GABBR2: variants seen among roughly 807,000 people sequenced by gnomAD.
GABBR2 encodes G-protein coupled receptor 51.
GABBR2 carries 23 observed loss-of-function variants against 105.6 expected under a neutral mutation model. The observed-to-expected ratio is 0.22, with a 90% CI of 0.16 to 0.31. The LOEUF (loss-of-function observed/expected upper bound fraction) is 0.31. GABBR2 is among the 10% of genes least tolerant of loss of function. The probability of loss-of-function intolerance (pLI) is 1.00; values close to 1 mark genes in which losing one functional copy is unlikely to be tolerated. For missense variants in GABBR2, 734 were observed against 1,245.5 expected (o/e 0.59, Z 6.18); for synonymous variants, 478 against 499.7 (o/e 0.96, Z 0.58).
intron 11 of GABBR2, among the ~76,000 whole-genome samples, chr9:98,374,618 C>T (rs921679848): frequency 6.6e-6 from 1 of 152,164 alleles, no homozygotes; most frequent in African/African-American, 2.4e-5. Flanking sequence ...ACATATCCAT[C>T]CTCCGACTAA....
At chr9:98,633,786 G>T (rs1214237595) in intron 1 of GABBR2, among the ~76,000 whole-genome samples, 4 of 152,158 alleles carry the variant, frequency 2.6e-5, no homozygotes, top group Non-Finnish European at 5.9e-5. Flanking sequence ...CTTTTTAGGG[G>T]TGCTCAGCAA....
At chr9:98,521,270 A>G (rs1356438738) in intron 3 of GABBR2, among the ~76,000 whole-genome samples, 3 of 152,194 alleles carry the variant, frequency 2.0e-5, no homozygotes, top group African/African-American at 7.2e-5. Context: ...ACAGAACCAG[A>G]TTGAAGACTG....
At chr9:98,536,953 A>G (rs1828193046) in intron 3 of GABBR2, among the ~76,000 whole-genome samples, 1 of 152,206 alleles carries the variant, frequency 6.6e-6, no homozygotes, top group East Asian at 1.9e-4. Flanking sequence ...GACCGAGGCC[A>G]CCAGGTAGAA....
At chr9:98,342,538 G>A (rs941178905) in intron 13 of GABBR2, among the ~76,000 whole-genome samples, 1 of 152,186 alleles carries the variant, frequency 6.6e-6, no homozygotes, top group African/African-American at 2.4e-5. Flanking sequence ...AGTTGGCCAG[G>A]CTAATGGAGG....
At chr9:98,633,364 C>T (rs552970130) in intron 1 of GABBR2, among the ~76,000 whole-genome samples, 1 of 152,182 alleles carries the variant, frequency 6.6e-6, no homozygotes, top group East Asian at 1.9e-4. Flanking sequence ...GGCTTACGCC[C>T]GTAATCCCAG....
intron 2 of GABBR2, among the ~76,000 whole-genome samples, chr9:98,565,374 G>T (rs1828737792): frequency 6.6e-6 from 1 of 152,208 alleles, no homozygotes; most frequent in African/African-American, 2.4e-5. Flanking sequence ...ATGAGCCCAG[G>T]GAAATCACAT....
At chr9:98,424,281 A>ACG (rs745681966) in intron 7 of GABBR2, among the ~76,000 whole-genome samples, 104 of 152,230 alleles carry the variant, frequency 6.8e-4, no homozygotes, top group Non-Finnish European at 1.4e-3. Flanking sequence ...AAATTCAACA[A>ACG]CGCTTCATGC....
At chr9:98,405,270 A>G (rs1832469972) in intron 8 of GABBR2, among the ~76,000 whole-genome samples, 1 of 152,114 alleles carries the variant, frequency 6.6e-6, no homozygotes, top group Non-Finnish European at 1.5e-5. Flanking sequence ...AAAACCAAAA[A>G]CAGGTGGGTG....
Position 98,385,691 on chromosome 9 carries a change from A to G in GABBR2, c.1611T>C (p.Phe537=), listed in dbSNP as rs1215127392. ...CAGAGACAAAGGATCCATCAAGGCC[A>G]AAGAGAAATATGGAAGCATAGGAGA... The part of the protein sequence containing the change: ...GMLSYASIFL[F]GLDGSFVSEK... The change falls in exon 11 of 19, where the codon TTT becomes TTC. Residue 537 remains phenylalanine, a synonymous_variant. Transcript: ENST00000259455. The G allele has an allele frequency of 9.3e-6, 15 of 1,612,250 alleles. No homozygotes were observed. Among genetic ancestry groups the G allele is most frequent in the Middle Eastern group, 1.6e-4 (1 of 6,070 alleles).
At chr9:98,683,616 A>T (rs1212784288) in intron 1 of GABBR2, among the ~76,000 whole-genome samples, 1 of 152,078 alleles carries the variant, frequency 6.6e-6, no homozygotes, top group Non-Finnish European at 1.5e-5. Flanking sequence ...CTAATCATGG[A>T]GATGCGCATC....
At chr9:98,445,598 A>C (rs1309492874) in intron 7 of GABBR2, among the ~76,000 whole-genome samples, 8 of 152,240 alleles carry the variant, frequency 5.3e-5, no homozygotes, top group Non-Finnish European at 1.5e-5. Flanking sequence ...GATGTGGTTT[A>C]AGATGAAGGT....
At chr9:98,503,859 A>G (rs1368593067) in intron 3 of GABBR2, among the ~76,000 whole-genome samples, 1 of 152,112 alleles carries the variant, frequency 6.6e-6, no homozygotes, top group African/African-American at 2.4e-5. Flanking sequence ...GAAACTGCTG[A>G]TGCCCTAACT....
rs373255468 is a variant in GABBR2, at chr9:98,594,592, A to T, written c.322-16520T>A. Among the ~76,000 whole-genome samples, 108 of 152,336 alleles carry T rather than the reference A, an allele frequency of 7.1e-4. 1 individual carries two copies. The highest frequency in any genetic ancestry group is 2.4e-3 in the African/African-American group (100 of 41,584). On this transcript the variant is annotated intron_variant, in intron 1 of 18. Transcript: ENST00000259455. ...GCAGCAGTTTGGGACCAGTGCATTTAGGAGCATAACCGCCTCTGGGGAAGC... is the reference window on the plus strand; with the variant it reads ...GCAGCAGTTTGGGACCAGTGCATTTTGGAGCATAACCGCCTCTGGGGAAGC...
intron 6 of GABBR2, among the ~76,000 whole-genome samples, chr9:98,472,736 C>T (rs770337566): frequency 2.8e-4 from 42 of 152,142 alleles, no homozygotes; most frequent in Admixed American, 1.1e-3. Context: ...AGCTCTACAG[C>T]ATGTGTTTCC....
chr9:98,436,348 CATATATATATATATAT>C (rs1158239322), intron 7 of GABBR2, among the ~76,000 whole-genome samples: 19 of 7,600 alleles, frequency 2.5e-3, no homozygotes, highest in Middle Eastern at 0.05. Flanking sequence ...ACACACACAC[CATATATATATATATAT>C]ATATATATAT....
intron 13 of GABBR2, among the ~76,000 whole-genome samples, chr9:98,317,210 C>A (rs1172990508): frequency 6.6e-6 from 1 of 152,200 alleles, no homozygotes; most frequent in Non-Finnish European, 1.5e-5. Flanking sequence ...AGCAGTGAGG[C>A]CACACCGGTT....
chr9:98,428,090 G>C (rs533726155), intron 7 of GABBR2, among the ~76,000 whole-genome samples: 2 of 152,136 alleles, frequency 1.3e-5, no homozygotes, highest in Non-Finnish European at 2.9e-5. Context: ...CATTTGTTAC[G>C]ACTTAACAGA....
chr9:98,617,975 C>T (rs1253738797), intron 1 of GABBR2, among the ~76,000 whole-genome samples: 1 of 152,142 alleles, frequency 6.6e-6, no homozygotes, highest in East Asian at 1.9e-4. Context: ...GACATCTATC[C>T]AATTGGCTTC....
At chr9:98,579,816 C>A (rs1020417484) in intron 1 of GABBR2, among the ~76,000 whole-genome samples, 1 of 152,158 alleles carries the variant, frequency 6.6e-6, no homozygotes, top group Non-Finnish European at 1.5e-5. Flanking sequence ...AAACCACAAC[C>A]TTTGGGGATA....
Sources: allele counts gnomAD v4.1 joint callset (sites outside exome capture counted in the v4.1 genomes callset), GRCh38; gene constraint gnomAD v4.1.1; transcripts MANE v1.5; gene names NCBI Gene and HGNC (gene_info 2026-07-23, HGNC 2026-07-21).